MACF1: variants seen among roughly 807,000 people sequenced by gnomAD.
The protein encoded by MACF1 is microtubule-actin cross-linking factor 1.
Under a neutral mutation model 854.8 loss-of-function variants are expected in MACF1, and 193 were observed. The observed-to-expected ratio is 0.23, with a 90% CI of 0.20 to 0.25. The LOEUF is 0.25. Ranked by LOEUF, MACF1 falls within the 10% of genes least tolerant of loss-of-function variation. MACF1 has a pLI of 1.00. For missense variants in MACF1, 7,722 were observed against 8,929.1 expected (o/e 0.86, Z 5.45); for synonymous variants, 3,185 against 3,226.7 (o/e 0.99, Z 0.44).
intron 91 of MACF1, among the ~76,000 whole-genome samples, chr1:39,459,641 A>G (rs1273361313): frequency 6.6e-6 from 1 of 152,356 alleles, no homozygotes; most frequent in South Asian, 2.1e-4. Context: ...CAGATGCTAC[A>G]GAATTATGAA....
chr1:39,094,002 C>CCTGAGG (rs1641876683), intron 2 of MACF1, among the ~76,000 whole-genome samples: 1 of 151,080 alleles, frequency 6.6e-6, no homozygotes, highest in East Asian at 2.0e-4. Flanking sequence ...TGGTCTCGAA[C>CCTGAGG]TCCTGACCTC....
intron 6 of MACF1, among the ~76,000 whole-genome samples, chr1:39,259,459 A>ATAATTTTTTTATTATTAGTAGAG (rs1645133363): frequency 6.6e-6 from 1 of 151,934 alleles, no homozygotes; most frequent in African/African-American, 2.4e-5. Flanking sequence ...ATAGAGTTTC[A>ATAATTTTTTTATTATTAGTAGAG]CCATGTTGGC....
chr1:39,442,938 G>A, intron 78 of MACF1, 27 bp downstream of exon 78: 1 of 1,601,518 alleles, frequency 6.2e-7, no homozygotes, highest in Non-Finnish European at 8.5e-7. Flanking sequence ...AGTAAGGTAG[G>A]AAGAGCTATA....
chr1:39,165,167 T>C (rs1002472402), intron 2 of MACF1, among the ~76,000 whole-genome samples: 4 of 152,204 alleles, frequency 2.6e-5, no homozygotes, highest in Admixed American at 6.5e-5. Context: ...CTTGAGTCAC[T>C]GACAGGCTTG....
At position 39,320,794 on chromosome 1, in the gene MACF1, C is replaced by T. The variant is rs1646499707; in HGVS notation, c.4029+1047C>T. On this transcript the variant is annotated intron_variant, in intron 31 of 100. Coordinates refer to ENST00000564288, the MANE Select transcript of MACF1 (RefSeq NM_001394062.1). ...ACCAGCCTGGGCAACATATCAAGAT[C>T]CCATCTGTAAAAAAAAAAATTTTAA... Among the ~76,000 whole-genome samples, 3 of 150,610 alleles carry T rather than the reference C, an allele frequency of 2.0e-5. No homozygotes were observed. The South Asian group carries it at 6.3e-4, about 32-fold the overall frequency.
Position 39,463,657 on chromosome 1 carries a change from G to A in MACF1, c.21724G>A (p.Val7242Met). 1 of 1,613,526 alleles carries A rather than the reference G, an allele frequency of 6.2e-7. No homozygotes were observed. The highest frequency in any genetic ancestry group is 1.3e-5 in the African/African-American group (1 of 75,020). ...GTGCAAATGTGCAAAAAGGTTTCAG[G>A]TGGAGCAGATCGGAGAGAATAAATA... is the stretch of plus-strand genomic sequence containing the variant. ...AQCKCAKRFQVEQIGENKYRF... is the reference protein window; with the variant it reads ...AQCKCAKRFQMEQIGENKYRF... The change falls in exon 94 of 101, where the codon GTG becomes ATG. Residue 7242 changes from valine (V) to methionine (M), a missense_variant. Val to Met is a conservative substitution (Grantham distance 21). Around this residue, in one of 15 missense-constraint regions of MACF1, gnomAD observed 153 missense variants for 342.5 expected, o/e 0.45. Coordinates refer to ENST00000564288, the MANE Select transcript of MACF1 (RefSeq NM_001394062.1).
chr1:39,187,708 T>TA (rs1338557800), intron 2 of MACF1, among the ~76,000 whole-genome samples: 1 of 152,192 alleles, frequency 6.6e-6, no homozygotes, highest in Non-Finnish European at 1.5e-5. Flanking sequence ...GCAGATTTTT[T>TA]AAAAAATTAT....
intron 83 of MACF1, 122 bp downstream of exon 83, chr1:39,448,274 A>G: frequency 8.7e-7 from 1 of 1,144,400 alleles, no homozygotes; most frequent in South Asian, 1.6e-5. Context: ...AAAAGTCAAA[A>G]TGATGAAGCC....
At chr1:39,471,918 C>G (rs1326111605) in intron 97 of MACF1, among the ~76,000 whole-genome samples, 5 of 152,092 alleles carry the variant, frequency 3.3e-5, no homozygotes, top group African/African-American at 4.8e-5. Flanking sequence ...CCGTCACCAC[C>G]GTCCATCCAC....
At chr1:39,346,185 A>T (rs1647042584) in intron 40 of MACF1, among the ~76,000 whole-genome samples, 1 of 151,574 alleles carries the variant, frequency 6.6e-6, no homozygotes, top group African/African-American at 2.4e-5. Flanking sequence ...ACACAGTGAA[A>T]CCCCATCTCT....
chr1:39,259,450 TAG>T (rs760371780), intron 6 of MACF1, among the ~76,000 whole-genome samples: 12 of 152,098 alleles, frequency 7.9e-5, no homozygotes, highest in Non-Finnish European at 1.6e-4. Context: ...TTAGTAGAGA[TAG>T]AGTTTCACCA....
intron 95 of MACF1, among the ~76,000 whole-genome samples, chr1:39,467,201 C>A (rs1262181617): frequency 1.3e-5 from 2 of 152,112 alleles, no homozygotes; most frequent in East Asian, 3.9e-4. Context: ...ACCGTCTCTA[C>A]TAAAAATACA....
chr1:39,327,744 C>G (rs1646643316), intron 36 of MACF1, among the ~76,000 whole-genome samples: 1 of 152,140 alleles, frequency 6.6e-6, no homozygotes, highest in African/African-American at 2.4e-5. Flanking sequence ...ACCTGTGAAC[C>G]TCTTCCCTCT....
chr1:39,427,112 G>A (rs919370507), intron 61 of MACF1, among the ~76,000 whole-genome samples: 1 of 152,158 alleles, frequency 6.6e-6, no homozygotes, highest in Non-Finnish European at 1.5e-5. Context: ...TAAATAAGGA[G>A]AACATTAGAA....
chr1:39,342,021 A>G (rs1646946012), intron 40 of MACF1, among the ~76,000 whole-genome samples: 1 of 152,004 alleles, frequency 6.6e-6, no homozygotes, highest in Admixed American at 6.5e-5. Context: ...AGTAACCAAT[A>G]GGTATTTTTT....
intron 40 of MACF1, among the ~76,000 whole-genome samples, chr1:39,341,394 T>C (rs1331452814): frequency 2.0e-5 from 3 of 151,396 alleles, no homozygotes; most frequent in African/African-American, 7.3e-5. Context: ...TATGTTTAGG[T>C]TTATAATTAT....
intron 6 of MACF1, chr1:39,268,665 C>G: frequency 4.9e-6 from 6 of 1,236,836 alleles, no homozygotes; most frequent in Non-Finnish European, 5.2e-6. Flanking sequence ...ACTGGCTTAG[C>G]TGCGTTTTTG....
At chr1:39,254,005 A>T in intron 4 of MACF1, 1 of 342,566 alleles carries the variant, frequency 2.9e-6, no homozygotes, top group Non-Finnish European at 5.4e-6. Flanking sequence ...GCCACATGTG[A>T]CTGCAGATGA....
At chr1:39,270,260 T>C (rs1332582223) in intron 6 of MACF1, among the ~76,000 whole-genome samples, 1 of 152,110 alleles carries the variant, frequency 6.6e-6, no homozygotes, top group East Asian at 1.9e-4. Context: ...TTTGTATAGG[T>C]GGAGAGGGCT....
Sources: gnomAD v4.1 joint callset for allele counts (sites outside exome capture counted in the v4.1 genomes callset) on GRCh38, gnomAD v4.1.1 for gene constraint, gnomAD v4.1.1 regional missense constraint, MANE v1.5 for transcripts, NCBI Gene and HGNC (gene_info 2026-07-23, HGNC 2026-07-21) for gene names.